Variants in LRRC69 observed in about 807,000 individuals in gnomAD.
LRRC69 encodes leucine rich repeat containing 69.
In LRRC69, 42 loss-of-function variants were observed where a neutral mutation model predicts 37.8. The observed-to-expected ratio is 1.11, with a 90% confidence interval of 0.87 to 1.44. LRRC69 has a LOEUF of 1.44. LRRC69 is among the 40% of genes most tolerant of loss of function. The pLI is 0.00. For synonymous variants in LRRC69, 141 were observed against 143.1 expected (o/e 0.99, Z 0.11); for missense variants, 357 against 401.9 (o/e 0.89, Z 0.96).
In LRRC69 at chr8:91,132,243, A is replaced by G. The variant is rs574630470; in HGVS notation, c.384-867A>G. Among the ~76,000 whole-genome samples, 71 of 152,056 alleles carry G rather than the reference A, an allele frequency of 4.7e-4. 2 individuals carry two copies. In the South Asian group the frequency reaches 0.014, roughly 30 times the overall value. On this transcript the variant is annotated intron_variant, in intron 3 of 7. Transcript: ENST00000448384. ...GAATTTTGACATTGTTACCTACTAG[A>G]TAGGTAACTTGGGGAATTTATTTAC...
intron 5 of LRRC69, among the ~76,000 whole-genome samples, chr8:91,149,449 T>A (rs555025888): frequency 1.8e-4 from 28 of 152,134 alleles, no homozygotes; most frequent in African/African-American, 6.7e-4. Flanking sequence ...TCTATATCTC[T>A]GTTTTGGTAC....
At chr8:91,118,394 A>T (rs1813555941) in intron 1 of LRRC69, 1 of 318,986 alleles carries the variant, frequency 3.1e-6, no homozygotes, top group Non-Finnish European at 5.8e-6. Flanking sequence ...AAAAAAAAAA[A>T]GCCAGGCGTG....
At chr8:91,157,571 T>A (rs184817131) in intron 5 of LRRC69, 1 of 1,533,854 alleles carries the variant, frequency 6.5e-7, no homozygotes, top group African/African-American at 1.4e-5. Flanking sequence ...GAAGATAATA[T>A]CAGAATGTTT....
chr8:91,122,017 T>C (rs957752834), intron 1 of LRRC69, among the ~76,000 whole-genome samples: 1 of 152,100 alleles, frequency 6.6e-6, no homozygotes, highest in Non-Finnish European at 1.5e-5. Context: ...TATCTTCATA[T>C]ATCTGGGCCA....
chr8:91,169,636 G>A, intron 5 of LRRC69, among the ~76,000 whole-genome samples: 1 of 134,022 alleles, frequency 7.5e-6, no homozygotes. Flanking sequence ...TCATCATCTA[G>A]CATTAGGTAT....
intron 6 of LRRC69, among the ~76,000 whole-genome samples, chr8:91,197,055 C>G (rs998358416): frequency 2.0e-5 from 3 of 151,792 alleles, no homozygotes; most frequent in African/African-American, 7.3e-5. Flanking sequence ...AGTTTTCCTT[C>G]TAACAGACAG....
chr8:91,114,361 G>T (rs1315185978), intron 1 of LRRC69, among the ~76,000 whole-genome samples: 1 of 151,888 alleles, frequency 6.6e-6, no homozygotes, highest in Non-Finnish European at 1.5e-5. Context: ...CATGTTCATT[G>T]CAGCGTTATT....
chr8:91,165,708 T>C (rs1809015653), intron 5 of LRRC69, among the ~76,000 whole-genome samples: 1 of 151,784 alleles, frequency 6.6e-6, no homozygotes, highest in African/African-American at 2.4e-5. Flanking sequence ...GTGTAGTAGA[T>C]ATATTTTAAT....
intron 5 of LRRC69, among the ~76,000 whole-genome samples, chr8:91,163,886 A>G (rs922544312): frequency 1.3e-5 from 2 of 151,372 alleles, no homozygotes; most frequent in African/African-American, 4.8e-5. Context: ...TATAAATTAC[A>G]AAGTTCTTAG....
intron 5 of LRRC69, among the ~76,000 whole-genome samples, chr8:91,187,742 T>C (rs1809429052): frequency 6.6e-6 from 1 of 152,224 alleles, no homozygotes; most frequent in Admixed American, 6.5e-5. Flanking sequence ...GAAGGGACTA[T>C]GTCTGACTCC....
rs568312021 is a variant in LRRC69, at chr8:91,168,596, A to G, written c.652-20926A>G. 4.6e-5 allele frequency among the ~76,000 whole-genome samples: 7 copies of G among 152,048 alleles called. No individual in the cohort carries two copies. The South Asian group carries it at 1.2e-3, about 27-fold the overall frequency. Reference sequence around the variant, plus strand: ...GGGACTGTAAAGTGCAAGCACGAAGACAACAACCTACCTGCTAAGCAGGAT... The same window carrying G: ...GGGACTGTAAAGTGCAAGCACGAAGGCAACAACCTACCTGCTAAGCAGGAT... On this transcript the variant is annotated intron_variant, in intron 5 of 7. Coordinates refer to ENST00000448384, the Ensembl canonical transcript of LRRC69.
chr8:91,168,749 A>G (rs1011877542), intron 5 of LRRC69, among the ~76,000 whole-genome samples: 1 of 151,498 alleles, frequency 6.6e-6, no homozygotes, highest in African/African-American at 2.4e-5. Context: ...TTTTTTTGCA[A>G]TTAATATAGC....
intron 7 of LRRC69, chr8:91,205,564 C>G (rs1375688631): frequency 6.6e-6 from 1 of 151,968 alleles, no homozygotes; most frequent in East Asian, 2.0e-4. Flanking sequence ...AGTAAAAGAC[C>G]TAAATCAGCT....
chr8:91,118,609 A>G (rs1456569999), intron 1 of LRRC69: 3 of 191,038 alleles, frequency 1.6e-5, no homozygotes, highest in South Asian at 8.6e-5. Context: ...GTGTCTTTCA[A>G]TCTATAGCAA....
intron 7 of LRRC69, among the ~76,000 whole-genome samples, chr8:91,205,875 G>A (rs919521892): frequency 6.6e-6 from 1 of 152,184 alleles, no homozygotes; most frequent in Admixed American, 6.5e-5. Context: ...ATAAGAAACA[G>A]TGATTTAAGT....
At chr8:91,188,126 C>T (rs1809434664) in intron 5 of LRRC69, among the ~76,000 whole-genome samples, 1 of 152,168 alleles carries the variant, frequency 6.6e-6, no homozygotes, top group Admixed American at 6.5e-5. Context: ...AACATAGGAA[C>T]TGAATTAAGA....
At position 91,206,122 on chromosome 8, in the gene LRRC69, A is replaced by C. The variant is rs1050749570; in HGVS notation, c.933+5330A>C. Among the ~76,000 whole-genome samples, 3 of 152,282 alleles carry C rather than the reference A, an allele frequency of 2.0e-5. No homozygotes were observed. In the East Asian group the frequency reaches 5.8e-4, roughly 29 times the overall value. On this transcript the variant is annotated intron_variant, in intron 7 of 7. Coordinates refer to ENST00000448384, the Ensembl canonical transcript of LRRC69. ...GAGAGCTTCGGACAATACCTGATAA[A>C]ATTTTATTTCTACAGAATGATAAAT...
intron 3 of LRRC69, among the ~76,000 whole-genome samples, chr8:91,129,005 T>A (rs1813764056): frequency 1.3e-5 from 2 of 152,068 alleles, no homozygotes; most frequent in Non-Finnish European, 2.9e-5. Flanking sequence ...TCTCTCTAAA[T>A]TCCATATCTT....
chr8:91,183,354 G>A (rs1195919821), intron 5 of LRRC69, among the ~76,000 whole-genome samples: 3 of 152,188 alleles, frequency 2.0e-5, no homozygotes, highest in African/African-American at 7.2e-5. Flanking sequence ...TCGGTCTAAG[G>A]TAGTGGCAGG....
Sources: allele counts gnomAD v4.1 joint callset (sites outside exome capture counted in the v4.1 genomes callset), GRCh38; gene constraint gnomAD v4.1.1; transcripts MANE v1.5; gene names NCBI Gene and HGNC (gene_info 2026-07-23, HGNC 2026-07-21).